The following LSAMP variants were observed in gnomAD, a reference collection of about 807,000 sequenced individuals.
LSAMP encodes the protein limbic system associated membrane protein.
Under a neutral mutation model 38.6 loss-of-function variants are expected in LSAMP, and 7 were observed. The observed-to-expected ratio is 0.18, with a 90% CI of 0.10 to 0.34. The LOEUF (loss-of-function observed/expected upper bound fraction) is 0.34. Among genes scored for constraint, LSAMP ranks in the 10% least tolerant of loss-of-function variants. LSAMP has a pLI of 1.00. For synonymous variants in LSAMP, 154 were observed against 166.8 expected (o/e 0.92, Z 0.59); for missense variants, 313 against 420.0 (o/e 0.75, Z 2.23).
At chr3:116,340,865 C>T (rs942864708) in intron 1 of LSAMP, among the ~76,000 whole-genome samples, 2 of 152,000 alleles carry the variant, frequency 1.3e-5, no homozygotes, top group Non-Finnish European at 2.9e-5. Flanking sequence ...GAAAGTGATA[C>T]TACATAACCA....
At chr3:116,213,671 G>T (rs977585752) in intron 1 of LSAMP, among the ~76,000 whole-genome samples, 2 of 152,170 alleles carry the variant, frequency 1.3e-5, no homozygotes, top group Admixed American at 6.5e-5. Context: ...TCCACTGATA[G>T]ATAAATGGAT....
chr3:116,116,709 C>T (rs1456871724), intron 1 of LSAMP, among the ~76,000 whole-genome samples: 2 of 151,158 alleles, frequency 1.3e-5, no homozygotes, highest in Non-Finnish European at 2.9e-5. Flanking sequence ...GAGCGAGATT[C>T]CATCTCAAAT....
intron 1 of LSAMP, among the ~76,000 whole-genome samples, chr3:116,307,298 C>T (rs192086702): frequency 7.8e-4 from 118 of 152,036 alleles, no homozygotes; most frequent in Non-Finnish European, 9.1e-4. Flanking sequence ...TTTGTAATAA[C>T]ATTTTCAGCT....
At chr3:116,232,004 T>G (rs2046407184) in intron 1 of LSAMP, among the ~76,000 whole-genome samples, 1 of 152,326 alleles carries the variant, frequency 6.6e-6, no homozygotes, top group South Asian at 2.1e-4. Flanking sequence ...GTATCCCTGA[T>G]ATGCCTCTGT....
chr3:116,207,174 CT>C (rs2046081627), intron 1 of LSAMP, among the ~76,000 whole-genome samples: 1 of 151,374 alleles, frequency 6.6e-6, no homozygotes. Context: ...TTCTTTGTCT[CT>C]TTTGATCTTT....
At chr3:115,971,340 T>C (rs755913566) in intron 3 of LSAMP, among the ~76,000 whole-genome samples, 1 of 152,224 alleles carries the variant, frequency 6.6e-6, no homozygotes, top group Non-Finnish European at 1.5e-5. Flanking sequence ...TTTATGACTA[T>C]ACTGGCAAGT....
At chr3:116,308,643 G>T (rs2047516674) in intron 1 of LSAMP, among the ~76,000 whole-genome samples, 1 of 151,880 alleles carries the variant, frequency 6.6e-6, no homozygotes, top group South Asian at 2.1e-4. Flanking sequence ...ATTGTCACCT[G>T]TCCTAAAACA....
chr3:116,149,799 CT>C (rs556821575), intron 1 of LSAMP, among the ~76,000 whole-genome samples: 1 of 151,964 alleles, frequency 6.6e-6, no homozygotes, highest in East Asian at 1.9e-4. Flanking sequence ...GAATAAATAT[CT>C]TTCATAAAAG....
At chr3:116,028,768 G>A (rs1343819622) in intron 2 of LSAMP, among the ~76,000 whole-genome samples, 1 of 152,048 alleles carries the variant, frequency 6.6e-6, no homozygotes, top group African/African-American at 2.4e-5. Flanking sequence ...TGGCATTCTA[G>A]TTATATTTTT....
chr3:115,944,796 C>G (rs1422467750), intron 3 of LSAMP, among the ~76,000 whole-genome samples: 3 of 152,154 alleles, frequency 2.0e-5, no homozygotes, highest in Non-Finnish European at 4.4e-5. Flanking sequence ...TATCTAACAC[C>G]ATAGCCAGAG....
chr3:116,143,493 A>G lies in LSAMP; in HGVS notation c.156-56937T>C, dbSNP rs547893262. On this transcript the variant is annotated intron_variant, in intron 1 of 6. Coordinates refer to ENST00000490035, the MANE Select transcript of LSAMP (RefSeq NM_002338.5). The stretch of plus-strand genomic sequence containing the variant: ...GGATTATTGGTAACTCAAAGGGTAG[A>G]TGTTTGAGGGGATGAATACGCTGTT... Among the ~76,000 whole-genome samples the G allele has an allele frequency of 7.2e-5, 11 of 152,094 alleles. No individual in the cohort carries two copies. In the East Asian group the frequency reaches 1.7e-3, roughly 24 times the overall value.
At chr3:116,229,227 C>T (rs2046373799) in intron 1 of LSAMP, among the ~76,000 whole-genome samples, 1 of 152,102 alleles carries the variant, frequency 6.6e-6, no homozygotes, top group African/African-American at 2.4e-5. Context: ...TCTCCTTTCT[C>T]TTACATCCTT....
intron 2 of LSAMP, among the ~76,000 whole-genome samples, chr3:116,078,844 A>C (rs978923436): frequency 6.6e-6 from 1 of 152,030 alleles, no homozygotes; most frequent in Non-Finnish European, 1.5e-5. Context: ...TCCTTGCCCC[A>C]GTCCTGGTAC....
intron 1 of LSAMP, among the ~76,000 whole-genome samples, chr3:116,198,397 T>C (rs2045938839): frequency 6.6e-6 from 1 of 152,122 alleles, no homozygotes; most frequent in Admixed American, 6.6e-5. Context: ...TGAACTGAGA[T>C]TGAGTACTCC....
chr3:115,852,356 T>G, intron 4 of LSAMP, 127 bp downstream of exon 4: 9 of 1,115,046 alleles, frequency 8.1e-6, no homozygotes, highest in Non-Finnish European at 9.9e-6. Context: ...TGTATAAATG[T>G]GCATTCCTGG....
intron 3 of LSAMP, among the ~76,000 whole-genome samples, chr3:115,858,712 A>G (rs1935584375): frequency 6.6e-6 from 1 of 152,190 alleles, no homozygotes; most frequent in South Asian, 2.1e-4. Flanking sequence ...TTATCTTGCA[A>G]GGTGTATATG....
intron 1 of LSAMP, among the ~76,000 whole-genome samples, chr3:116,090,662 G>T (rs1450682321): frequency 6.6e-6 from 1 of 152,122 alleles, no homozygotes; most frequent in Non-Finnish European, 1.5e-5. Context: ...TAAAAGGACA[G>T]AGTACAAAAG....
intron 6 of LSAMP, among the ~76,000 whole-genome samples, chr3:115,811,353 TATC>T (rs1933825204): frequency 6.6e-6 from 1 of 152,182 alleles, no homozygotes; most frequent in African/African-American, 2.4e-5. Flanking sequence ...CAGAAGAGCT[TATC>T]ATCTCTGCTT....
At chr3:116,185,433 A>G (rs1710591245) in intron 1 of LSAMP, among the ~76,000 whole-genome samples, 1 of 152,056 alleles carries the variant, frequency 6.6e-6, no homozygotes, top group African/African-American at 2.4e-5. Context: ...GAGACAGGTT[A>G]GAGTGTATCC....
Sources: gnomAD v4.1 joint callset for allele counts (sites outside exome capture counted in the v4.1 genomes callset) on GRCh38, gnomAD v4.1.1 for gene constraint, MANE v1.5 for transcripts, NCBI Gene and HGNC (gene_info 2026-07-23, HGNC 2026-07-21) for gene names.